CUBN: variants seen among roughly 807,000 people sequenced by gnomAD.
CUBN encodes the protein 460 kDa receptor.
CUBN carries 282 observed loss-of-function variants against 405.3 expected under a neutral mutation model. The observed-to-expected ratio is 0.70, with a 90% CI of 0.63 to 0.77. CUBN has a LOEUF of 0.77. Among genes scored for constraint, CUBN ranks in the 30% least tolerant of loss-of-function variants. The probability of loss-of-function intolerance (pLI) is 0.00; values close to 1 mark genes in which losing one functional copy is unlikely to be tolerated. For synonymous variants in CUBN, 1,684 were observed against 1,617.0 expected, an observed-to-expected ratio of 1.04 and a Z score of -0.99; for missense variants, 4,514 against 4,475.2, an observed-to-expected ratio of 1.01 and a Z score of -0.25.
chr10:17,107,686 A>G lies in CUBN; in HGVS notation c.1111+1954T>C, dbSNP rs532745287. Among the ~76,000 whole-genome samples the G allele has an allele frequency of 2.6e-5, 4 of 151,824 alleles. No homozygotes were observed. The South Asian group carries it at 8.3e-4, about 32-fold the overall frequency. The stretch of plus-strand genomic sequence containing the variant: ...CTAATTTTTTGTATTTTCAGTAGAG[A>G]CGGGGTTTCACCATGTTGGCCAGGA... On this transcript the variant is annotated intron_variant, in intron 10 of 66. Coordinates refer to ENST00000377833, the MANE Select transcript of CUBN (RefSeq NM_001081.4).
Position 16,835,171 on chromosome 10 carries a change from G to A in CUBN, c.10205C>T (p.Ala3402Val), listed in dbSNP as rs758386041. The A allele has an allele frequency of 5.0e-6, 8 of 1,614,020 alleles. No homozygotes were observed. In the East Asian group the frequency reaches 1.1e-4, roughly 22 times the overall value. Reference protein sequence around the residue: ...IADCNRDYHKAFGNLRSPGWP... With the variant: ...IADCNRDYHKVFGNLRSPGWP... ...TCCAGGGCTTCTCAGGTTGCCAAAT[G>A]CCTTGTGATAGTCTCTGTTGCAATC... Residue 3402 changes from alanine to valine, a missense_variant, in exon 64 of 67, where the codon GCA becomes GTA. Coordinates refer to ENST00000377833, the MANE Select transcript of CUBN (RefSeq NM_001081.4).
At chr10:16,919,153 A>T (rs1238082746) in intron 44 of CUBN, among the ~76,000 whole-genome samples, 2 of 152,220 alleles carry the variant, frequency 1.3e-5, no homozygotes, top group South Asian at 4.1e-4. Flanking sequence ...GACTTGATAC[A>T]TTTCACAGGA....
chr10:16,946,767 T>C (rs1842798046), intron 36 of CUBN, among the ~76,000 whole-genome samples: 1 of 152,120 alleles, frequency 6.6e-6, no homozygotes, highest in African/African-American at 2.4e-5. Flanking sequence ...AAGTGCGGGA[T>C]TACAGGCATG....
intron 22 of CUBN, among the ~76,000 whole-genome samples, chr10:17,055,382 T>G (rs1835368170): frequency 6.6e-6 from 1 of 152,048 alleles, no homozygotes; most frequent in Non-Finnish European, 1.5e-5. Context: ...ACCTCACCCT[T>G]TCTGTTCAAG....
At chr10:17,004,971 T>C (rs1008599686) in intron 28 of CUBN, among the ~76,000 whole-genome samples, 11 of 152,186 alleles carry the variant, frequency 7.2e-5, no homozygotes, top group Admixed American at 6.5e-4. Flanking sequence ...AACAGCTCTT[T>C]AATACGCTGC....
chr10:16,903,449 T>C (rs1301876655), intron 51 of CUBN, among the ~76,000 whole-genome samples: 4 of 152,048 alleles, frequency 2.6e-5, no homozygotes, highest in Non-Finnish European at 5.9e-5. Context: ...AATGAAATTC[T>C]GTATTATGAC....
At chr10:17,093,383 T>C (rs1334055177) in intron 14 of CUBN, among the ~76,000 whole-genome samples, 2 of 152,102 alleles carry the variant, frequency 1.3e-5, no homozygotes, top group South Asian at 2.1e-4. Flanking sequence ...AGAAAGGAGA[T>C]ACTTTTATGA....
In CUBN at chr10:16,891,884, C is replaced by G. The variant is rs2669152; in HGVS notation, c.8599-1357G>C. On this transcript the variant is annotated intron_variant, in intron 54 of 66. Transcript: ENST00000377833. ...TGGGTAGGGGCCAGGACTATTGCTACACAATCTGCAATACCCAATATGCCC... is the reference window on the plus strand; with the variant it reads ...TGGGTAGGGGCCAGGACTATTGCTAGACAATCTGCAATACCCAATATGCCC... Among the ~76,000 whole-genome samples the G allele has an allele frequency of 2.1e-4, 31 of 144,422 alleles. No homozygotes were observed. In the South Asian group the frequency reaches 6.0e-3, roughly 28 times the overall value. 94.7% of individuals were successfully genotyped at this position (144,422 alleles called of 152,430 possible).
At chr10:16,960,241 C>T (rs1045284314) in intron 31 of CUBN, among the ~76,000 whole-genome samples, 4 of 152,202 alleles carry the variant, frequency 2.6e-5, no homozygotes, top group African/African-American at 7.2e-5. Context: ...CCTGTAATCC[C>T]AGCACTTTGG....
intron 59 of CUBN, among the ~76,000 whole-genome samples, chr10:16,857,556 A>T (rs1206868842): frequency 2.0e-5 from 3 of 152,228 alleles, no homozygotes; most frequent in African/African-American, 4.8e-5. Flanking sequence ...AATTAAAAAA[A>T]TAATTTACTA....
rs747107485 is a variant in CUBN at position 16,954,399 on chromosome 10, T to C, written c.4845A>G (p.Gln1615=). 4 of 1,614,184 alleles carry C rather than the reference T, an allele frequency of 2.5e-6. No homozygotes were observed. In the South Asian group the frequency reaches 4.4e-5, roughly 18 times the overall value. The change falls in exon 32 of 67, where the codon CAA becomes CAG. Residue 1615 remains glutamine, a synonymous_variant. Coordinates refer to ENST00000377833, the MANE Select transcript of CUBN (RefSeq NM_001081.4). ...CCACAGGGTACTTGCCTTGCCTGAA[T>C]TGAGCTCGGAAGCCTCTGTTCTGTC... ...PSRQNRGFRA[Q]FRQACGGHIL...
At chr10:16,849,029 G>A (rs969970007) in intron 60 of CUBN, among the ~76,000 whole-genome samples, 11 of 152,000 alleles carry the variant, frequency 7.2e-5, no homozygotes, top group Admixed American at 1.3e-4. Context: ...TAGGAAAGGA[G>A]AATTAAACTG....
intron 15 of CUBN, 44 bp downstream of exon 15, chr10:17,088,120 C>T (rs765571668): frequency 6.7e-7 from 1 of 1,502,294 alleles, no homozygotes; most frequent in East Asian, 2.3e-5. Context: ...TGCCCTGAGT[C>T]CTAATCATAT....
Position 16,855,404 on chromosome 10 carries a change from G to A in CUBN, c.9455-3961C>T, listed in dbSNP as rs976612312. Among the ~76,000 whole-genome samples the A allele has an allele frequency of 1.5e-4, 23 of 152,182 alleles. 1 individual carries two copies. Among genetic ancestry groups the A allele is most frequent in the Admixed American group, 7.9e-4 (12 of 15,274 alleles). On this transcript the variant is annotated intron_variant, in intron 59 of 66. Transcript: ENST00000377833. Reference sequence around the variant, plus strand: ...AGCCAGAGGCCTTAAACGTGCTTACGTTTTGTTCTTGTTTTTATTGTTGTC... The same window carrying A: ...AGCCAGAGGCCTTAAACGTGCTTACATTTTGTTCTTGTTTTTATTGTTGTC...
At chr10:16,964,338 G>A (rs1295928109) in intron 31 of CUBN, among the ~76,000 whole-genome samples, 1 of 152,060 alleles carries the variant, frequency 6.6e-6, no homozygotes. Context: ...CTGAATTACA[G>A]CACGTCCATT....
chr10:16,983,962 G>A (rs1241405980), intron 30 of CUBN, 143 bp downstream of exon 30: 8 of 842,380 alleles, frequency 9.5e-6, no homozygotes, highest in Admixed American at 5.5e-5. Flanking sequence ...TTAGGGAAGG[G>A]TATATGTCAG....
chr10:17,012,729 G>C (rs1263861420), intron 28 of CUBN, among the ~76,000 whole-genome samples: 4 of 152,166 alleles, frequency 2.6e-5, no homozygotes, highest in Non-Finnish European at 5.9e-5. Context: ...TCCTGATTCT[G>C]TAAGTACTTT....
chr10:17,112,910 T>C (rs1209336925), intron 8 of CUBN, among the ~76,000 whole-genome samples: 1 of 152,212 alleles, frequency 6.6e-6, no homozygotes, highest in Non-Finnish European at 1.5e-5. Flanking sequence ...CATGTCTTGA[T>C]TTTGTTGTAG....
chr10:16,894,069 T>C (rs1841111126), intron 54 of CUBN, among the ~76,000 whole-genome samples: 1 of 152,192 alleles, frequency 6.6e-6, no homozygotes, highest in South Asian at 2.1e-4. Flanking sequence ...CATATTCTAA[T>C]AGAACTGTTT....
Sources: gnomAD v4.1 joint callset for allele counts (sites outside exome capture counted in the v4.1 genomes callset) on GRCh38, gnomAD v4.1.1 for gene constraint, MANE v1.5 for transcripts, NCBI Gene and HGNC (gene_info 2026-07-23, HGNC 2026-07-21) for gene names.